Variants in ADGRG6 observed in about 807,000 individuals in gnomAD.
The protein encoded by ADGRG6 is adhesion G protein-coupled receptor G6.
In ADGRG6, 84 loss-of-function variants were observed where a neutral mutation model predicts 142.4. That is an observed-to-expected ratio of 0.59 (90% CI 0.49 to 0.71). ADGRG6 has a LOEUF of 0.71. Among genes scored for constraint, ADGRG6 ranks in the 30% least tolerant of loss-of-function variants. The pLI, the probability that ADGRG6 is intolerant of heterozygous loss-of-function variation, is 0.00. For missense variants in ADGRG6, 1,367 were observed against 1,466.6 expected (o/e 0.93, Z 1.11); for synonymous variants, 521 against 520.5 (o/e 1.00, Z -0.01).
intron 17 of ADGRG6, among the ~76,000 whole-genome samples, chr6:142,411,026 AAT>A (rs1776052249): frequency 6.6e-6 from 1 of 152,154 alleles, no homozygotes; most frequent in African/African-American, 2.4e-5. Context: ...TTCATTTTAA[AAT>A]ATGTTAAAAA....
At chr6:142,392,549 CTTCTTTAATATGA>C (rs1774948869) in intron 7 of ADGRG6, among the ~76,000 whole-genome samples, 1 of 151,734 alleles carries the variant, frequency 6.6e-6, no homozygotes, top group Non-Finnish European at 1.5e-5. Context: ...TATTGCAAAT[CTTCTTTAATATGA>C]GGGCTAGAGA....
intron 2 of ADGRG6, among the ~76,000 whole-genome samples, chr6:142,347,711 C>G (rs754042429): frequency 7.2e-5 from 11 of 152,114 alleles, no homozygotes; most frequent in Non-Finnish European, 1.2e-4. Flanking sequence ...ACAGTCAAGT[C>G]TTATTCTTCT....
At chr6:142,435,192 A>G (rs554242743) in intron 22 of ADGRG6, among the ~76,000 whole-genome samples, 1 of 152,246 alleles carries the variant, frequency 6.6e-6, no homozygotes, top group South Asian at 2.1e-4. Flanking sequence ...CATGAATACA[A>G]GGATTGCCTA....
In ADGRG6 at chr6:142,443,761, T is replaced by C. The variant is rs868414318; in HGVS notation, c.*246T>C. ...GACTCAGTAGCCACAGAAGCTATGA[T>C]TTGTAAAATATATAATTGAATCAGA... On this transcript the variant is annotated 3_prime_UTR_variant, in exon 25 of 25. Coordinates refer to ENST00000367609, the MANE Select transcript of ADGRG6 (RefSeq NM_198569.3). 8.5e-6 allele frequency: 3 copies of C among 351,140 alleles called. No individual in the cohort carries two copies. Among genetic ancestry groups the C allele is most frequent in the African/African-American group, 6.4e-5 (3 of 46,934 alleles). 21.8% of individuals were successfully genotyped at this position (351,140 alleles called of 1,614,324 possible). A position where few individuals can be genotyped will look rare whatever the true frequency, so the allele number is the denominator to read the frequency against.
chr6:142,411,267 C>T (rs1310621624), intron 17 of ADGRG6, 38 bp from the exon 18 acceptor site: 1 of 1,090,998 alleles, frequency 9.2e-7, no homozygotes, highest in Non-Finnish European at 1.4e-6. Context: ...AAGAAACTGA[C>T]CTGCTGTTTT....
chr6:142,328,997 T>C (rs1778914906), intron 2 of ADGRG6, among the ~76,000 whole-genome samples: 1 of 152,110 alleles, frequency 6.6e-6, no homozygotes, highest in South Asian at 2.1e-4. Flanking sequence ...AATGGTTCAG[T>C]GTGTGGGCTC....
intron 2 of ADGRG6, among the ~76,000 whole-genome samples, chr6:142,312,953 T>C (rs1171663090): frequency 1.3e-5 from 2 of 152,092 alleles, no homozygotes; most frequent in Non-Finnish European, 2.9e-5. Flanking sequence ...TCAGGCACTG[T>C]GGCTCACACC....
intron 4 of ADGRG6, among the ~76,000 whole-genome samples, chr6:142,371,701 G>A (rs907967801): frequency 2.6e-5 from 4 of 151,884 alleles, no homozygotes; most frequent in Non-Finnish European, 5.9e-5. Context: ...TAGCCAGGAT[G>A]GTCTCAATCT....
At chr6:142,437,295 A>G in intron 22 of ADGRG6, 139 bp from the exon 23 acceptor site, 1 of 528,706 alleles carries the variant, frequency 1.9e-6, no homozygotes. Context: ...ATACTGCAAG[A>G]TTCATTTCCT....
chr6:142,347,702 C>T (rs1271025875), intron 2 of ADGRG6, among the ~76,000 whole-genome samples: 1 of 152,132 alleles, frequency 6.6e-6, no homozygotes, highest in African/African-American at 2.4e-5. Context: ...AGTCTGGTAA[C>T]AGTCAAGTCT....
intron 22 of ADGRG6, among the ~76,000 whole-genome samples, chr6:142,424,021 G>T: frequency 7.7e-5 from 3 of 38,974 alleles, no homozygotes; most frequent in South Asian, 1.2e-3. Flanking sequence ...CATTGATTTT[G>T]TATCCTGAGA....
chr6:142,402,837 ATT>A lies in ADGRG6; in HGVS notation c.1955+16_1955+17del. 1.4e-5 allele frequency: 19 copies of A among 1,366,066 alleles called. No individual in the cohort carries two copies. The highest frequency in any genetic ancestry group is 1.7e-5 in the Non-Finnish European group (17 of 1,004,752). The allele number at this position is 1,366,066 out of a possible 1,614,324, so 84.6% of individuals were successfully genotyped here. A position where few individuals can be genotyped will look rare whatever the true frequency, so the allele number is the denominator to read the frequency against. The stretch of plus-strand genomic sequence containing the variant: ...TGCTTGAGTCATCTTCTGAGTAAGT[ATT>A]TTTTTTTTCCTGGAGAGTAAATTTT... On this transcript the variant is annotated splice_region_variant and intron_variant, in intron 13 of 24. Coordinates refer to ENST00000367609, the MANE Select transcript of ADGRG6 (RefSeq NM_198569.3).
chr6:142,351,085 C>T (rs896108937), intron 2 of ADGRG6, among the ~76,000 whole-genome samples: 1 of 151,888 alleles, frequency 6.6e-6, no homozygotes, highest in Admixed American at 6.6e-5. Context: ...AAAGAAAATA[C>T]AAAAAATTAG....
At chr6:142,381,476 A>G (rs1310975425) in intron 4 of ADGRG6, among the ~76,000 whole-genome samples, 1 of 152,244 alleles carries the variant, frequency 6.6e-6, no homozygotes, top group East Asian at 1.9e-4. Context: ...TGAAATAAAA[A>G]GACACAGAGA....
intron 2 of ADGRG6, among the ~76,000 whole-genome samples, chr6:142,326,909 GA>G (rs1234477610): frequency 1.3e-5 from 2 of 151,986 alleles, no homozygotes; most frequent in Non-Finnish European, 2.9e-5. Flanking sequence ...TTTACTTTAA[GA>G]ATCCTTTTAA....
chr6:142,320,348 T>C (rs1646870457), intron 2 of ADGRG6, among the ~76,000 whole-genome samples: 1 of 152,104 alleles, frequency 6.6e-6, no homozygotes, highest in African/African-American at 2.4e-5. Context: ...TTGGATTTGA[T>C]TTAAACTTGA....
chr6:142,318,324 TTA>T (rs1214319785), intron 2 of ADGRG6, among the ~76,000 whole-genome samples: 4 of 93,936 alleles, frequency 4.3e-5, no homozygotes, highest in Non-Finnish European at 7.6e-5. Context: ...TATTTATATA[TTA>T]TATATATTTA....
intron 22 of ADGRG6, among the ~76,000 whole-genome samples, chr6:142,432,445 C>A (rs955682305): frequency 8.5e-5 from 13 of 152,124 alleles, no homozygotes; most frequent in African/African-American, 3.1e-4. Flanking sequence ...AAATACAATA[C>A]CTTAAAATTT....
At chr6:142,403,729 C>A in intron 13 of ADGRG6, 73 bp from the exon 14 acceptor site, 1 of 922,388 alleles carries the variant, frequency 1.1e-6, no homozygotes, top group Non-Finnish European at 1.6e-6. Context: ...TTTTGCCATG[C>A]AGCAAAACAT....
Sources: allele counts gnomAD v4.1 joint callset (sites outside exome capture counted in the v4.1 genomes callset), GRCh38; gene constraint gnomAD v4.1.1; transcripts MANE v1.5; gene names NCBI Gene and HGNC (gene_info 2026-07-23, HGNC 2026-07-21).